PHACTR3: variants seen among roughly 807,000 people sequenced by gnomAD.
The protein encoded by PHACTR3 is phosphatase and actin regulator 3.
PHACTR3 carries 16 observed loss-of-function variants against 66.8 expected under a neutral mutation model. The observed-to-expected ratio is 0.24, with a 90% CI of 0.16 to 0.36. PHACTR3 has a LOEUF of 0.36. PHACTR3 is among the 10% of genes least tolerant of loss of function. The pLI is 1.00. For missense variants in PHACTR3, 647 were observed against 719.9 expected (o/e 0.90, Z 1.16); for synonymous variants, 323 against 292.1 (o/e 1.11, Z -1.08).
rs141413731 is a variant in PHACTR3 at position 59,829,578 on chromosome 20, G to A, written c.1329-6927G>A. On this transcript the variant is annotated intron_variant, in intron 8 of 12. Coordinates refer to ENST00000371015, the MANE Select transcript of PHACTR3 (RefSeq NM_080672.5). The surrounding 1 kb of genome is among the most constrained non-coding windows in gnomAD (Gnocchi z 4.2). Reference sequence around the variant, plus strand: ...CAGATGTCTGAGGATGCATCAATGCGTCGTGTGAATGGTGTGTGGAGACGC... The same window carrying A: ...CAGATGTCTGAGGATGCATCAATGCATCGTGTGAATGGTGTGTGGAGACGC... Among the ~76,000 whole-genome samples, 12 of 152,350 alleles carry A rather than the reference G, an allele frequency of 7.9e-5. No homozygotes were observed. The highest frequency in any genetic ancestry group is 2.4e-4 in the African/African-American group (10 of 41,584).
Position 59,808,075 on chromosome 20 carries a change from G to C in PHACTR3, c.1328+1881G>C, listed in dbSNP as rs530939147. Among the ~76,000 whole-genome samples, 316 of 152,288 alleles carry C rather than the reference G, an allele frequency of 2.1e-3. 2 individuals are homozygous for C. The highest frequency in any genetic ancestry group is 3.0e-3 in the Non-Finnish European group (203 of 68,024). On this transcript the variant is annotated intron_variant, in intron 8 of 12. Coordinates refer to ENST00000371015, the MANE Select transcript of PHACTR3 (RefSeq NM_080672.5). ...GCTGGTTGAGGTCTGAAGGGATCCA[G>C]TCATGCCCCTGAGACAGAATGGGGG...
intron 1 of PHACTR3, among the ~76,000 whole-genome samples, chr20:59,740,281 G>A (rs1568766418): frequency 6.6e-6 from 1 of 151,864 alleles, no homozygotes; most frequent in African/African-American, 2.4e-5. Context: ...TATTGTGGAT[G>A]TTTATCTTTG....
intron 1 of PHACTR3, among the ~76,000 whole-genome samples, chr20:59,672,943 G>A (rs1052724629): frequency 2.0e-5 from 3 of 152,204 alleles, no homozygotes; most frequent in African/African-American, 7.2e-5. Context: ...TGGTGGTGGG[G>A]TTGGTGAAGA....
rs1220548170 is a variant in PHACTR3, at chr20:59,642,116, G to C, written c.118+36984G>C. On this transcript the variant is annotated intron_variant, in intron 1 of 12. Coordinates refer to ENST00000371015, the MANE Select transcript of PHACTR3 (RefSeq NM_080672.5). ...CATGGCCCGTGGAGGTCCGGATGTAGAGAAGGCAGCCTTTCTGCAGAGCGT... is the reference window on the plus strand; with the variant it reads ...CATGGCCCGTGGAGGTCCGGATGTACAGAAGGCAGCCTTTCTGCAGAGCGT... Among the ~76,000 whole-genome samples the C allele has an allele frequency of 4.6e-5, 7 of 152,136 alleles. No individual in the cohort carries two copies. The East Asian group carries it at 1.4e-3, about 29-fold the overall frequency.
chr20:59,770,780 G>A (rs115766541), intron 5 of PHACTR3, among the ~76,000 whole-genome samples: 2,961 of 152,224 alleles, frequency 0.019, 94 homozygotes, highest in African/African-American at 0.066. Context: ...TGCATTCCTG[G>A]GTTTCACCTG....
chr20:59,723,688 C>A (rs372233243), intron 1 of PHACTR3, among the ~76,000 whole-genome samples: 4 of 152,080 alleles, frequency 2.6e-5, no homozygotes, highest in East Asian at 1.9e-4. Flanking sequence ...CGTACGGTGA[C>A]TCGGTCATTG....
intron 1 of PHACTR3, among the ~76,000 whole-genome samples, chr20:59,638,374 TGGTGGATGGATG>T (rs144415343): frequency 0.027 from 4,080 of 151,596 alleles, 74 homozygotes; most frequent in Middle Eastern, 0.072. Context: ...GGTGGGTTGG[TGGTGGATGGATG>T]GATGGATGGA....
intron 7 of PHACTR3, among the ~76,000 whole-genome samples, chr20:59,805,003 T>A (rs150877063): frequency 2.6e-5 from 4 of 152,310 alleles, no homozygotes; most frequent in Non-Finnish European, 4.4e-5. Context: ...AACCACAGAC[T>A]GCAAAACTGC....
chr20:59,628,557 G>T, intron 1 of PHACTR3: 1 of 942,326 alleles, frequency 1.1e-6, no homozygotes, highest in Non-Finnish European at 1.3e-6. Context: ...CTGGCTCCCA[G>T]GGAGAGAGGC....
At chr20:59,809,131 G>C (rs1412286173) in intron 8 of PHACTR3, among the ~76,000 whole-genome samples, 3 of 152,204 alleles carry the variant, frequency 2.0e-5, no homozygotes, top group Non-Finnish European at 4.4e-5. Context: ...TGGGGAGCTT[G>C]AGCCCCAGTG....
At chr20:59,605,781 G>T (rs992547633) in intron 1 of PHACTR3, among the ~76,000 whole-genome samples, 1 of 147,536 alleles carries the variant, frequency 6.8e-6, no homozygotes, top group Non-Finnish European at 1.5e-5. Flanking sequence ...GTGATAAACC[G>T]GTCACAAAGG....
At chr20:59,808,659 C>T (rs1020645431) in intron 8 of PHACTR3, among the ~76,000 whole-genome samples, 3 of 152,220 alleles carry the variant, frequency 2.0e-5, no homozygotes, top group Admixed American at 2.0e-4. Flanking sequence ...CTTGCTGTCC[C>T]CAGGCCCCTG....
chr20:59,659,480 C>T (rs1010462350), intron 1 of PHACTR3, among the ~76,000 whole-genome samples: 12 of 145,072 alleles, frequency 8.3e-5, no homozygotes, highest in African/African-American at 3.1e-4. Flanking sequence ...TCAAGTGATT[C>T]TCCTGCCTCA....
At chr20:59,683,367 A>G (rs2036734647) in intron 1 of PHACTR3, among the ~76,000 whole-genome samples, 2 of 152,208 alleles carry the variant, frequency 1.3e-5, no homozygotes, top group African/African-American at 4.8e-5. Context: ...GAAGCTGTGC[A>G]TTCGGGAGGC....
chr20:59,672,625 C>T (rs1460997550), intron 1 of PHACTR3, among the ~76,000 whole-genome samples: 3 of 152,216 alleles, frequency 2.0e-5, no homozygotes, highest in Non-Finnish European at 4.4e-5. Flanking sequence ...AATGTCTGCA[C>T]TCGGCACATG....
At chr20:59,840,522 C>G in intron 10 of PHACTR3, 92 bp downstream of exon 10, 2 of 1,544,706 alleles carry the variant, frequency 1.3e-6, no homozygotes, top group Non-Finnish European at 1.7e-6. Flanking sequence ...CTAGGTATCA[C>G]TCTGTGATCA....
chr20:59,691,132 C>T (rs115455782), intron 1 of PHACTR3, among the ~76,000 whole-genome samples: 2,228 of 152,294 alleles, frequency 0.015, 56 homozygotes, highest in African/African-American at 0.05. Flanking sequence ...CTAGTTGAGG[C>T]TGGGTAAGTG....
intron 1 of PHACTR3, among the ~76,000 whole-genome samples, chr20:59,661,133 T>C (rs1015732855): frequency 6.6e-6 from 1 of 152,212 alleles, no homozygotes. Flanking sequence ...AAAATTGGAT[T>C]CGATTCTAGG....
intron 1 of PHACTR3, among the ~76,000 whole-genome samples, chr20:59,648,739 A>G (rs898318461): frequency 7.9e-5 from 12 of 152,318 alleles, no homozygotes; most frequent in African/African-American, 2.9e-4. Context: ...CTAATTAAAG[A>G]GGACACACTT....
Sources: allele counts gnomAD v4.1 joint callset (sites outside exome capture counted in the v4.1 genomes callset), GRCh38; gene constraint gnomAD v4.1.1; non-coding constraint Gnocchi (gnomAD v3.1); transcripts MANE v1.5; gene names NCBI Gene and HGNC (gene_info 2026-07-23, HGNC 2026-07-21).